PIGL: variants seen among roughly 807,000 people sequenced by gnomAD.
PIGL encodes the protein N-acetylglucosaminyl-phosphatidylinositol de-N-acetylase.
In PIGL, 22 loss-of-function variants were observed where a neutral mutation model predicts 31.1. That is an observed-to-expected ratio of 0.71 (90% confidence interval 0.51 to 1.01). The LOEUF (loss-of-function observed/expected upper bound fraction) is 1.01, where lower values mean the gene tolerates loss of function less well. PIGL is among the 50% of genes least tolerant of loss of function. The probability of loss-of-function intolerance (pLI) is 0.00; values close to 1 mark genes in which losing one functional copy is unlikely to be tolerated. For missense variants in PIGL, 302 were observed against 315.9 expected (o/e 0.96, Z 0.33); for synonymous variants, 131 against 117.4 (o/e 1.12, Z -0.75).
chr17:16,323,662 G>T (rs749947446), intron 6 of PIGL, among the ~76,000 whole-genome samples: 4 of 146,372 alleles, frequency 2.7e-5, no homozygotes, highest in Admixed American at 1.4e-4. Context: ...GCCCAGGCTG[G>T]AGTGTAGTGG....
chr17:16,291,226 G>A (rs2092958702), intron 2 of PIGL, among the ~76,000 whole-genome samples: 1 of 152,166 alleles, frequency 6.6e-6, no homozygotes, highest in African/African-American at 2.4e-5. Flanking sequence ...AATTATATGG[G>A]GCTGGGCGTG....
chr17:16,296,485 CTG>C (rs1446319535), intron 2 of PIGL, among the ~76,000 whole-genome samples: 2 of 151,656 alleles, frequency 1.3e-5, no homozygotes, highest in African/African-American at 4.8e-5. Context: ...TGGCAGGTGT[CTG>C]TAGTCCCAGC....
chr17:16,271,794 T>C (rs1447214123), intron 2 of PIGL, among the ~76,000 whole-genome samples: 1 of 152,230 alleles, frequency 6.6e-6, no homozygotes, highest in Non-Finnish European at 1.5e-5. Flanking sequence ...CCTCCCAAAG[T>C]GCTGGGATTA....
chr17:16,270,449 A>T (rs2092866380), intron 2 of PIGL, among the ~76,000 whole-genome samples: 1 of 151,822 alleles, frequency 6.6e-6, no homozygotes, highest in African/African-American at 2.4e-5. Flanking sequence ...TATTAATTAT[A>T]AATTAATTAA....
At chr17:16,235,233 AG>A (rs1387973005) in intron 2 of PIGL, among the ~76,000 whole-genome samples, 1 of 152,184 alleles carries the variant, frequency 6.6e-6, no homozygotes, top group Admixed American at 6.5e-5. Flanking sequence ...GAATTTCTTC[AG>A]GTAGCTCAAA....
chr17:16,234,517 A>C (rs2092691797), intron 2 of PIGL, among the ~76,000 whole-genome samples: 1 of 152,178 alleles, frequency 6.6e-6, no homozygotes, highest in South Asian at 2.1e-4. Context: ...TAATCCCAGC[A>C]CTTTGGGAGG....
chr17:16,304,213 C>T (rs1245057641), intron 3 of PIGL, among the ~76,000 whole-genome samples: 1 of 152,190 alleles, frequency 6.6e-6, no homozygotes, highest in Non-Finnish European at 1.5e-5. Flanking sequence ...GTTTCAACTG[C>T]ACACAAGAGA....
intron 5 of PIGL, 34 bp from the exon 6 acceptor site, chr17:16,317,741 G>T (rs1385935991): frequency 1.9e-6 from 3 of 1,612,740 alleles, no homozygotes; most frequent in Non-Finnish European, 2.5e-6. Context: ...AGGCCTCAAG[G>T]CTTATCACTT....
intron 2 of PIGL, among the ~76,000 whole-genome samples, chr17:16,244,467 C>A (rs1357067438): frequency 1.3e-5 from 2 of 152,140 alleles, no homozygotes; most frequent in Admixed American, 6.6e-5. Flanking sequence ...TCAGGCACTC[C>A]ATTTGCACAA....
chr17:16,285,427 C>T (rs112504950), intron 2 of PIGL, among the ~76,000 whole-genome samples: 7,656 of 151,710 alleles, frequency 0.05, 647 homozygotes, highest in African/African-American at 0.17. Context: ...TCTACTAAAA[C>T]TACAAAAATT....
intron 3 of PIGL, among the ~76,000 whole-genome samples, chr17:16,313,093 C>T (rs2093062047): frequency 1.3e-5 from 2 of 152,148 alleles, no homozygotes; most frequent in Admixed American, 1.3e-4. Context: ...TACACTTTTT[C>T]CATGAACTCA....
rs201057153 is a variant in PIGL at position 16,220,351 on chromosome 17, A to AAT, written c.235+2898_235+2899dup. Among the ~76,000 whole-genome samples the AAT allele has an allele frequency of 3.6e-4, 55 of 151,940 alleles. 2 individuals carry two copies. The highest frequency in any genetic ancestry group is 1.3e-3 in the African/African-American group (53 of 41,338). Reference sequence around the variant, plus strand: ...AACAGAGGGAGACTCCGTCTCAAAAAATATATATAGAGAGAGAGAGCATGC... The same window carrying AAT: ...AACAGAGGGAGACTCCGTCTCAAAAAATATATATATAGAGAGAGAGAGCATGC... On this transcript the variant is annotated intron_variant, in intron 1 of 6. Transcript: ENST00000225609.
At chr17:16,280,194 T>G (rs1301155265) in intron 2 of PIGL, among the ~76,000 whole-genome samples, 2 of 152,254 alleles carry the variant, frequency 1.3e-5, no homozygotes, top group Non-Finnish European at 2.9e-5. Context: ...ATTCTAGGCC[T>G]TATCTGCTCC....
chr17:16,316,575 A>G lies in PIGL; in HGVS notation c.495-106A>G, dbSNP rs1179964772. ...CAAAAGAAACCACCTGGAGACTCAC[A>G]TGGAGGGGACCATGGGCATGGCAGC... is the stretch of plus-strand genomic sequence containing the variant. On this transcript the variant is annotated intron_variant, in intron 4 of 6. Transcript: ENST00000225609. The G allele has an allele frequency of 1.2e-5, 13 of 1,115,368 alleles. No homozygotes were observed. In the South Asian group the frequency reaches 2.2e-4, roughly 19 times the overall value. 69.1% of individuals were successfully genotyped at this position (1,115,368 alleles called of 1,614,324 possible). A position where few individuals can be genotyped will look rare whatever the true frequency, so the allele number is the denominator to read the frequency against.
At chr17:16,260,141 C>T (rs565369519) in intron 2 of PIGL, among the ~76,000 whole-genome samples, 1 of 152,302 alleles carries the variant, frequency 6.6e-6, no homozygotes, top group Admixed American at 6.5e-5. Flanking sequence ...GGGCAGCTCA[C>T]CATGGGCCTG....
At chr17:16,236,397 A>G (rs1192092289) in intron 2 of PIGL, among the ~76,000 whole-genome samples, 4 of 151,950 alleles carry the variant, frequency 2.6e-5, no homozygotes, top group Non-Finnish European at 4.4e-5. Context: ...TCTGTCTTTT[A>G]TGATTTCCTT....
At chr17:16,308,792 CTT>C (rs71150288) in intron 3 of PIGL, among the ~76,000 whole-genome samples, 5 of 114,434 alleles carry the variant, frequency 4.4e-5, no homozygotes, top group African/African-American at 1.7e-4. Context: ...TGCATCCAGG[CTT>C]TTTTTTTTTT....
At chr17:16,269,755 C>G (rs987179417) in intron 2 of PIGL, among the ~76,000 whole-genome samples, 3 of 125,598 alleles carry the variant, frequency 2.4e-5, no homozygotes, top group African/African-American at 7.9e-5. Context: ...GATTAAGAAC[C>G]TGAATTTTTT....
chr17:16,232,065 G>A (rs919599251), intron 1 of PIGL, among the ~76,000 whole-genome samples: 1 of 152,082 alleles, frequency 6.6e-6, no homozygotes, highest in African/African-American at 2.4e-5. Context: ...ATCACCTGAG[G>A]TCAGGAGTTC....
Sources: allele counts gnomAD v4.1 joint callset (sites outside exome capture counted in the v4.1 genomes callset), GRCh38; gene constraint gnomAD v4.1.1; transcripts MANE v1.5; gene names NCBI Gene and HGNC (gene_info 2026-07-23, HGNC 2026-07-21).